The following STAB1 variants were observed in gnomAD, a reference collection of about 807,000 sequenced individuals.
STAB1 encodes the protein stabilin 1, also known as stabilin-1.
In STAB1, 250 loss-of-function variants were observed where a neutral mutation model predicts 332.4. The observed-to-expected ratio is 0.75, with a 90% CI of 0.68 to 0.84. STAB1 has a LOEUF of 0.84. Ranked by LOEUF, STAB1 falls within the 40% of genes least tolerant of loss-of-function variation. STAB1 has a pLI of 0.00. For missense variants in STAB1, 3,249 were observed against 3,489.7 expected (o/e 0.93, Z 1.74); for synonymous variants, 1,475 against 1,390.4 (o/e 1.06, Z -1.35).
In STAB1 at chr3:52,510,249, C is replaced by T; in HGVS notation, c.2628+14C>T. ...TGCTCAGAGAATGTCAGTCCCCTTG[C>T]TCCTTCCCTGAAGTTCTGACCCAGA... On this transcript the variant is annotated intron_variant, in intron 24 of 68. Coordinates refer to ENST00000321725, the MANE Select transcript of STAB1 (RefSeq NM_015136.3). 1 of 1,614,048 alleles carries T rather than the reference C, an allele frequency of 6.2e-7. No homozygotes were observed. The highest frequency in any genetic ancestry group is 8.5e-7 in the Non-Finnish European group (1 of 1,180,004).
chr3:52,502,455 C>T (rs1047939207), intron 5 of STAB1, among the ~76,000 whole-genome samples, 177 bp from the exon 6 acceptor site: 4 of 152,242 alleles, frequency 2.6e-5, no homozygotes, highest in East Asian at 3.8e-4. Flanking sequence ...AGCCCCAGGC[C>T]GGGCCAGTGC....
intron 36 of STAB1, 109 bp downstream of exon 36, chr3:52,515,154 AGGCTC>A: frequency 7.2e-7 from 1 of 1,387,280 alleles, no homozygotes; most frequent in Non-Finnish European, 9.9e-7. Flanking sequence ...CCAGGCATCC[AGGCTC>A]AGGGAACTGG....
rs546212379 is a variant in STAB1 at position 52,505,915 on chromosome 3, C to T, written c.1728C>T (p.Tyr576=). The change falls in exon 16 of 69, where the codon TAC becomes TAT. Residue 576 remains tyrosine (Y), a synonymous_variant. Transcript: ENST00000321725. ...GLSKLQELVR[Y]HIYNHGQLTV... Reference sequence around the variant, plus strand: ...CTAAACTGCAGGAGTTGGTGCGGTACCACATCTACAACCACGGCCAGGTGC... The same window carrying T: ...CTAAACTGCAGGAGTTGGTGCGGTATCACATCTACAACCACGGCCAGGTGC... 4.8e-5 allele frequency: 77 copies of T among 1,613,866 alleles called. No individual in the cohort carries two copies. The South Asian group carries it at 7.7e-4, about 16-fold the overall frequency.
Position 52,521,849 on chromosome 3 carries a change from C to T in STAB1, c.6169C>T (p.Gln2057Ter). ...GGCTGGGCCCTGGGGGACAGAGCTG[C>T]AGCCTGTGTGTACCCCACCCTGTGC... ...GPRCEVQLELQPVCTPPCAPE... is the reference protein window; with the variant it reads ...GPRCEVQLEL The change falls in exon 58 of 69, where the codon CAG becomes TAG. Residue 2057 changes from glutamine (Q) to a stop codon, truncating the protein, a stop_gained. Coordinates refer to ENST00000321725, the MANE Select transcript of STAB1 (RefSeq NM_015136.3). LOFTEE classifies it high-confidence loss of function. 6.3e-7 allele frequency: 1 copy of T among 1,596,922 alleles called. No homozygotes were observed. The highest frequency in any genetic ancestry group is 8.5e-7 in the Non-Finnish European group (1 of 1,170,362).
chr3:52,502,290 G>A, intron 5 of STAB1, 62 bp downstream of exon 5: 1 of 1,563,796 alleles, frequency 6.4e-7, no homozygotes, highest in African/African-American at 1.4e-5. Context: ...CGCAGATGCA[G>A]TACCTACAAC....
chr3:52,499,913 A>AAC (rs1268657489), intron 1 of STAB1, among the ~76,000 whole-genome samples: 6 of 147,860 alleles, frequency 4.1e-5, no homozygotes, highest in Non-Finnish European at 6.0e-5. Flanking sequence ...AAAAAAAAAA[A>AAC]AAAAAAAAAA....
In STAB1 at chr3:52,516,710, C is replaced by G; in HGVS notation, c.4305C>G (p.Ala1435=). ...DPNANCVQDS[A]GASTCACAAG... ...CTCCCAGCTGCGTGCAGGACTCGGCCGGAGCCTCCACCTGCGCCTGTGCTG... is the reference window on the plus strand; with the variant it reads ...CTCCCAGCTGCGTGCAGGACTCGGCGGGAGCCTCCACCTGCGCCTGTGCTG... The change falls in exon 41 of 69, where the codon GCC becomes GCG. Residue 1435 remains alanine (A), a synonymous_variant. Coordinates refer to ENST00000321725, the MANE Select transcript of STAB1 (RefSeq NM_015136.3). The G allele has an allele frequency of 6.2e-7, 1 of 1,612,178 alleles. No individual in the cohort carries two copies. The highest frequency in any genetic ancestry group is 2.2e-5 in the East Asian group (1 of 44,866).
chr3:52,509,863 C>T lies in STAB1; in HGVS notation c.2348-7C>T. The T allele has an allele frequency of 6.2e-7, 1 of 1,613,040 alleles. No individual in the cohort carries two copies. The highest frequency in any genetic ancestry group is 8.5e-7 in the Non-Finnish European group (1 of 1,180,016). ...TCAGTTTCCTTGCTCCCATCTACTCCATACAGACTGCGGCTGTGTCCATGG... is the reference window on the plus strand; with the variant it reads ...TCAGTTTCCTTGCTCCCATCTACTCTATACAGACTGCGGCTGTGTCCATGG... On this transcript the variant is annotated splice_polypyrimidine_tract_variant and splice_region_variant and intron_variant, in intron 22 of 68. Coordinates refer to ENST00000321725, the MANE Select transcript of STAB1 (RefSeq NM_015136.3).
chr3:52,495,855 C>A (rs1707980219), intron 1 of STAB1, among the ~76,000 whole-genome samples: 1 of 152,228 alleles, frequency 6.6e-6, no homozygotes, highest in Admixed American at 6.5e-5. Context: ...ACCTCCAACC[C>A]CCGAGGACTA....
chr3:52,521,572 C>G (rs1205625153), intron 56 of STAB1, 24 bp from the exon 57 acceptor site: 20 of 1,613,270 alleles, frequency 1.2e-5, no homozygotes, highest in Non-Finnish European at 1.6e-5. Context: ...CAATCTTTAT[C>G]TTCCTGCCTG....
intron 41 of STAB1, 43 bp from the exon 42 acceptor site, chr3:52,516,941 C>A: frequency 6.2e-7 from 1 of 1,608,274 alleles, no homozygotes; most frequent in Non-Finnish European, 8.5e-7. Flanking sequence ...CTGCCTCCGG[C>A]CCCGTGCCTG....
chr3:52,500,283 T>G (rs1459405553), intron 1 of STAB1, among the ~76,000 whole-genome samples: 1 of 152,204 alleles, frequency 6.6e-6, no homozygotes, highest in Non-Finnish European at 1.5e-5. Flanking sequence ...TGACCAATTC[T>G]CATGCATCCT....
chr3:52,510,138 C>T lies in STAB1; in HGVS notation c.2535-4C>T, dbSNP rs766526796. 1 of 1,613,976 alleles carries T rather than the reference C, an allele frequency of 6.2e-7. No individual in the cohort carries two copies. The stretch of plus-strand genomic sequence containing the variant: ...CTGGAGCCCCCTCCTTCACCCACCC[C>T]CAGATGTCGCTGTCTTGATGGCTTT... On this transcript the variant is annotated splice_polypyrimidine_tract_variant and splice_region_variant and intron_variant, in intron 23 of 68. Coordinates refer to ENST00000321725, the MANE Select transcript of STAB1 (RefSeq NM_015136.3).
chr3:52,506,080 G>A, intron 16 of STAB1, 90 bp from the exon 17 acceptor site: 1 of 1,513,970 alleles, frequency 6.6e-7, no homozygotes, highest in Non-Finnish European at 9.0e-7. Context: ...AGGGACCAAG[G>A]GGGTGGCTGT....
In STAB1 at chr3:52,523,657, A is replaced by G. The variant is rs2153234312; in HGVS notation, c.7296A>G (p.Pro2432=). The change falls in exon 66 of 69, where the codon CCA becomes CCG. Residue 2432 remains proline (P), a synonymous_variant. Coordinates refer to ENST00000321725, the MANE Select transcript of STAB1 (RefSeq NM_015136.3). The stretch of plus-strand genomic sequence containing the variant: ...TGACTCTGGTCTCCCTGCAGGCCCC[A>G]GGGACAGTTGTGGTTAGCCGTATCA... ...PDNSSWAPVA[P]GTVVVSRIIV... The G allele has an allele frequency of 6.2e-7, 1 of 1,612,928 alleles. No individual in the cohort carries two copies. The highest frequency in any genetic ancestry group is 8.5e-7 in the Non-Finnish European group (1 of 1,179,988).
chr3:52,503,038 C>A lies in STAB1; in HGVS notation c.623C>A (p.Thr208Asn), dbSNP rs1708567651. ...CAGGAGCTGCGCTGTCCCCAGAACA[C>A]CCAGTGCTCCGCAGAGGCTCCCAGC... Reference protein sequence around the residue: ...VCQELRCPQNTQCSAEAPSCR... With the variant: ...VCQELRCPQNNQCSAEAPSCR... The change falls in exon 7 of 69, where the codon ACC (threonine) becomes AAC (asparagine). Residue 208 changes from threonine (T) to asparagine (N), a missense_variant. Thr to Asn is a moderately conservative substitution (Grantham distance 65, BLOSUM62 0). Transcript: ENST00000321725. The A allele has an allele frequency of 6.2e-7, 1 of 1,602,830 alleles. No homozygotes were observed. Among genetic ancestry groups the A allele is most frequent in the South Asian group, 1.1e-5 (1 of 89,014 alleles).
In STAB1 at chr3:52,516,110, T is replaced by C; in HGVS notation, c.4016T>C (p.Val1339Ala). The C allele has an allele frequency of 6.2e-7, 1 of 1,610,620 alleles. No individual in the cohort carries two copies. The highest frequency in any genetic ancestry group is 8.5e-7 in the Non-Finnish European group (1 of 1,179,174). Residue 1339 changes from valine to alanine, a missense_variant, in exon 38 of 69, where the codon GTG becomes GCG. Val to Ala is a moderately conservative substitution (Grantham distance 64). Transcript: ENST00000321725. ...CCATGCCCAGGGGGTCTAGGGGGGG[T>C]GTGCTCAGGCCATGGGCAGTGCCAG... The part of the protein sequence containing the change: ...CEPCPGGLGG[V>A]CSGHGQCQDR...
At chr3:52,503,744 G>A (rs779722807) in intron 8 of STAB1, 28 bp from the exon 9 acceptor site, 13 of 1,612,134 alleles carry the variant, frequency 8.1e-6, no homozygotes, top group Non-Finnish European at 1.1e-5. Flanking sequence ...TGGACGTGGT[G>A]TTCCCCTCCT....
rs2078954833 is a variant in STAB1 at position 52,518,564 on chromosome 3, C to T, written c.4838C>T (p.Pro1613Leu). The change falls in exon 47 of 69, where the codon CCT becomes CTT. Residue 1613 changes from proline to leucine, a missense_variant. By Grantham distance (98) the Pro-to-Leu change is moderately conservative (BLOSUM62 -3). Coordinates refer to ENST00000321725, the MANE Select transcript of STAB1 (RefSeq NM_015136.3). Reference sequence around the variant, plus strand: ...TATAAGGAGCTCAAGGGCGATGGGCCTTTCACCATCTTCGTGCCGCACGCA... The same window carrying T: ...TATAAGGAGCTCAAGGGCGATGGGCTTTTCACCATCTTCGTGCCGCACGCA... ...LEYKELKGDGPFTIFVPHADL... is the reference protein window; with the variant it reads ...LEYKELKGDGLFTIFVPHADL... The T allele has an allele frequency of 6.3e-7, 1 of 1,597,524 alleles. No individual in the cohort carries two copies. Among genetic ancestry groups the T allele is most frequent in the Non-Finnish European group, 8.5e-7 (1 of 1,172,160 alleles).
Sources: allele counts gnomAD v4.1 joint callset (sites outside exome capture counted in the v4.1 genomes callset), GRCh38; gene constraint gnomAD v4.1.1; transcripts MANE v1.5; gene names NCBI Gene and HGNC (gene_info 2026-07-23, HGNC 2026-07-21).